LARGE1: variants seen among roughly 807,000 people sequenced by gnomAD.
The protein encoded by LARGE1 is xylosyl- and glucuronyltransferase LARGE1.
LARGE1 carries 43 observed loss-of-function variants against 87.6 expected under a neutral mutation model. That is an observed-to-expected ratio of 0.49 (90% CI 0.38 to 0.63). LARGE1 has a LOEUF of 0.63. LARGE1 is among the 30% of genes least tolerant of loss of function. LARGE1 has a pLI of 0.00. For missense variants in LARGE1, 802 were observed against 1,000.2 expected, an observed-to-expected ratio of 0.80 and a Z score of 2.67; for synonymous variants, 434 against 394.6, an observed-to-expected ratio of 1.10 and a Z score of -1.18.
intron 13 of LARGE1, among the ~76,000 whole-genome samples, chr22:33,280,182 T>G (rs1056829506): frequency 6.6e-6 from 1 of 152,152 alleles, no homozygotes; most frequent in Non-Finnish European, 1.5e-5. Context: ...ATGGGTACAT[T>G]AACTACTTGG....
At chr22:33,835,279 C>T (rs1389833157) in intron 1 of LARGE1, among the ~76,000 whole-genome samples, 1 of 152,202 alleles carries the variant, frequency 6.6e-6, no homozygotes, top group Non-Finnish European at 1.5e-5. Context: ...CAATTCTACA[C>T]TTTGGAGTCT....
intron 11 of LARGE1, among the ~76,000 whole-genome samples, chr22:33,235,826 G>A (rs1568984736): frequency 6.6e-6 from 1 of 152,160 alleles, no homozygotes; most frequent in African/African-American, 2.4e-5. Context: ...ATTCAAAGGA[G>A]TTATACTGGG....
chr22:33,178,464 G>A (rs1363042987), intron 11 of LARGE1, among the ~76,000 whole-genome samples: 2 of 152,190 alleles, frequency 1.3e-5, no homozygotes, highest in Non-Finnish European at 2.9e-5. Context: ...GGAGGCTGAG[G>A]CTTAGAATGG....
chr22:33,391,647 C>A (rs1380195600), intron 7 of LARGE1, among the ~76,000 whole-genome samples: 1 of 151,996 alleles, frequency 6.6e-6, no homozygotes, highest in African/African-American at 2.4e-5. Context: ...TGACCCATGT[C>A]CCCCTCTTCT....
chr22:33,202,164 T>C (rs1030440344), intron 11 of LARGE1, among the ~76,000 whole-genome samples: 8 of 151,916 alleles, frequency 5.3e-5, no homozygotes, highest in Admixed American at 5.2e-4. Context: ...ATTGTTATTA[T>C]ATTAAGAGCT....
intron 6 of LARGE1, among the ~76,000 whole-genome samples, chr22:33,470,343 C>A (rs2148100004): frequency 6.6e-6 from 1 of 152,312 alleles, no homozygotes; most frequent in Non-Finnish European, 1.5e-5. Flanking sequence ...AAAAGGCAGA[C>A]AAGCCCTCTC....
chr22:33,697,253 C>T (rs559060152), intron 2 of LARGE1, among the ~76,000 whole-genome samples: 11 of 152,162 alleles, frequency 7.2e-5, no homozygotes, highest in South Asian at 4.1e-4. Context: ...TGGTTCTCGT[C>T]CTGCTTATAC....
intron 6 of LARGE1, among the ~76,000 whole-genome samples, chr22:33,544,507 T>C (rs1402663796): frequency 6.6e-6 from 1 of 152,044 alleles, no homozygotes; most frequent in East Asian, 1.9e-4. Context: ...GCCAACATGG[T>C]GAAACTCCAT....
chr22:33,341,923 T>C (rs1939188454), intron 9 of LARGE1, among the ~76,000 whole-genome samples: 1 of 152,310 alleles, frequency 6.6e-6, no homozygotes, highest in Middle Eastern at 3.4e-3. Flanking sequence ...TCTGCCCTCC[T>C]TTCTCCTTCC....
At chr22:33,907,137 AG>A (rs2065477980) in intron 1 of LARGE1, among the ~76,000 whole-genome samples, 1 of 152,120 alleles carries the variant, frequency 6.6e-6, no homozygotes, top group Non-Finnish European at 1.5e-5. Flanking sequence ...AAGTTCATAA[AG>A]TTTTGCTAGT....
At chr22:33,505,776 C>A (rs1242718246) in intron 6 of LARGE1, among the ~76,000 whole-genome samples, 1 of 152,178 alleles carries the variant, frequency 6.6e-6, no homozygotes, top group African/African-American at 2.4e-5. Context: ...CGTGCTGCGA[C>A]TGTGTCATTT....
In LARGE1 at chr22:33,845,852, G is replaced by A. The variant is rs544763308; in HGVS notation, c.-83+74143C>T. 9.2e-5 allele frequency among the ~76,000 whole-genome samples: 14 copies of A among 152,078 alleles called. No individual in the cohort carries two copies. The South Asian group carries it at 1.5e-3, about 16-fold the overall frequency. On this transcript the variant is annotated intron_variant, in intron 1 of 14. Transcript: ENST00000397394. ...CGTGATTACTTTGAAGCAAATCCGC[G>A]ATATACTATCATCTTGGTCCTGAGG...
At chr22:33,866,799 A>G (rs2064118115) in intron 1 of LARGE1, among the ~76,000 whole-genome samples, 1 of 151,924 alleles carries the variant, frequency 6.6e-6, no homozygotes, top group African/African-American at 2.4e-5. Context: ...CATAGCAGAC[A>G]CTCAGTCCAT....
chr22:33,079,801 C>G, the LARGE1 span, among the ~76,000 whole-genome samples: 1 of 152,064 alleles, frequency 6.6e-6, no homozygotes, highest in African/African-American at 2.4e-5. Context: ...CATAATTTTA[C>G]TCTGAGCCCC....
At chr22:33,753,468 C>G (rs1322535557) in intron 2 of LARGE1, among the ~76,000 whole-genome samples, 4 of 152,136 alleles carry the variant, frequency 2.6e-5, no homozygotes, top group African/African-American at 7.2e-5. Flanking sequence ...GCCTTGCCAA[C>G]ACCTTGACTT....
chr22:33,399,865 G>A (rs2065879584), intron 7 of LARGE1, among the ~76,000 whole-genome samples: 1 of 152,200 alleles, frequency 6.6e-6, no homozygotes, highest in Non-Finnish European at 1.5e-5. Context: ...GCTTTTTTAA[G>A]CCACTGTTTG....
At chr22:33,655,136 C>T (rs546868310) in intron 2 of LARGE1, among the ~76,000 whole-genome samples, 12 of 152,102 alleles carry the variant, frequency 7.9e-5, no homozygotes, top group African/African-American at 2.9e-4. Context: ...CCAGGTGGTA[C>T]CCAAATATGT....
rs948312002 is a variant in LARGE1 at position 33,274,054 on chromosome 22, C to T, written c.*373G>A. 11 of 406,138 alleles carry T rather than the reference C, an allele frequency of 2.7e-5. No homozygotes were observed. The highest frequency in any genetic ancestry group is 2.0e-4 in the African/African-American group (10 of 49,842). The allele number at this position is 406,138 out of a possible 1,614,324, so 25.2% of individuals were successfully genotyped here. ...CCCTAGAACCCTGACTTCCCTTTCT[C>T]CCCAGTTATGATGGGAAGCATAATT... On this transcript the variant is annotated 3_prime_UTR_variant, in exon 15 of 15. Coordinates refer to ENST00000397394, the MANE Select transcript of LARGE1 (RefSeq NM_133642.5).
intron 5 of LARGE1, chr22:33,572,301 A>G (rs903050736): frequency 2.7e-6 from 2 of 735,400 alleles, no homozygotes; most frequent in African/African-American, 1.9e-5. Context: ...TGTTCAGAGT[A>G]TAATTGTTAA....
Sources: allele counts gnomAD v4.1 joint callset (sites outside exome capture counted in the v4.1 genomes callset), GRCh38; gene constraint gnomAD v4.1.1; transcripts MANE v1.5; gene names NCBI Gene and HGNC (gene_info 2026-07-23, HGNC 2026-07-21).